Variants in VWC2 observed in about 807,000 individuals in gnomAD.
VWC2 encodes the protein von Willebrand factor C domain containing 2, also known as brorin.
In VWC2, 14 loss-of-function variants were observed where a neutral mutation model predicts 29.8. That is an observed-to-expected ratio of 0.47 (90% CI 0.31 to 0.74). The LOEUF (loss-of-function observed/expected upper bound fraction) is 0.74. Ranked by LOEUF, VWC2 falls within the 30% of genes least tolerant of loss-of-function variation. VWC2 has a pLI of 0.05. For missense variants in VWC2, 457 were observed against 459.8 expected, an observed-to-expected ratio of 0.99 and a Z score of 0.05; for synonymous variants, 213 against 199.0, an observed-to-expected ratio of 1.07 and a Z score of -0.59.
At chr7:49,894,605 G>A (rs1792290232) in intron 3 of VWC2, among the ~76,000 whole-genome samples, 1 of 152,204 alleles carries the variant, frequency 6.6e-6, no homozygotes, top group South Asian at 2.1e-4. Context: ...CTAGCTCTGT[G>A]CTGCATGCAG....
chr7:49,810,179 TCA>T (rs1482474454), intron 3 of VWC2, among the ~76,000 whole-genome samples: 4 of 151,682 alleles, frequency 2.6e-5, no homozygotes, highest in Middle Eastern at 3.4e-3. Context: ...GCATACACAT[TCA>T]CACACACAAC....
intron 3 of VWC2, among the ~76,000 whole-genome samples, chr7:49,856,628 A>G (rs1184581612): frequency 2.0e-5 from 3 of 152,212 alleles, no homozygotes; most frequent in Admixed American, 6.5e-5. Context: ...GAGTTTGGAC[A>G]TAAGTATACC....
chr7:49,860,023 G>A (rs937437141), intron 3 of VWC2, among the ~76,000 whole-genome samples: 5 of 151,596 alleles, frequency 3.3e-5, no homozygotes, highest in African/African-American at 1.2e-4. Context: ...TACTCTTTAA[G>A]GGCTTCTTTA....
intron 3 of VWC2, among the ~76,000 whole-genome samples, chr7:49,889,913 G>T (rs1478900499): frequency 6.6e-6 from 1 of 152,120 alleles, no homozygotes; most frequent in African/African-American, 2.4e-5. Context: ...AAAAGTTTGA[G>T]AGACAAATAT....
chr7:49,877,481 A>AAAAAAATACATATATAT lies in VWC2; in HGVS notation c.827-34552_827-34551insAAAAATACATATATATA. 1.6e-4 allele frequency among the ~76,000 whole-genome samples: 2 copies of AAAAAAATACATATATAT among 12,722 alleles called. 1 individual carries two copies. Among genetic ancestry groups the AAAAAAATACATATATAT allele is most frequent in the African/African-American group, 5.6e-4 (2 of 3,594 alleles). The allele number at this position is 12,722 out of a possible 152,430, so 8.3% of individuals were successfully genotyped here. On this transcript the variant is annotated intron_variant, in intron 3 of 3. Transcript: ENST00000340652. ...CTGTCTCAAAAAAAAAAAAAAAAAA[A>AAAAAAATACATATATAT]ATATATATATATATATATATATATA...
intron 2 of VWC2, among the ~76,000 whole-genome samples, chr7:49,789,275 G>A (rs1015127984): frequency 6.7e-6 from 1 of 150,092 alleles, no homozygotes; most frequent in Non-Finnish European, 1.5e-5. Context: ...GTGAGCGGGT[G>A]TGTGTGAGAG....
intron 2 of VWC2, among the ~76,000 whole-genome samples, chr7:49,798,687 T>C (rs542802813): frequency 6.6e-6 from 1 of 152,142 alleles, no homozygotes; most frequent in Non-Finnish European, 1.5e-5. Flanking sequence ...CAGATGTCCC[T>C]GGAGGACTCG....
chr7:49,782,699 A>C (rs917931936), intron 2 of VWC2, among the ~76,000 whole-genome samples: 1 of 151,538 alleles, frequency 6.6e-6, no homozygotes, highest in African/African-American at 2.4e-5. Context: ...TGAAAAAAAA[A>C]AAAAAGGCCA....
intron 3 of VWC2, among the ~76,000 whole-genome samples, chr7:49,834,713 C>A (rs1401497719): frequency 1.3e-5 from 2 of 152,148 alleles, no homozygotes; most frequent in Non-Finnish European, 2.9e-5. Context: ...AAGTAAGAAG[C>A]AAATCCCAGA....
chr7:49,845,175 C>A (rs895353532), intron 3 of VWC2, among the ~76,000 whole-genome samples: 1 of 152,008 alleles, frequency 6.6e-6, no homozygotes, highest in Non-Finnish European at 1.5e-5. Context: ...GCTAATGGAG[C>A]CTGGGTTTAA....
intron 3 of VWC2, among the ~76,000 whole-genome samples, chr7:49,911,771 CCT>C (rs1447085982): frequency 6.6e-6 from 1 of 151,738 alleles, no homozygotes; most frequent in Non-Finnish European, 1.5e-5. Context: ...GTGGCATGCC[CCT>C]GTAATCCTAG....
intron 2 of VWC2, among the ~76,000 whole-genome samples, chr7:49,788,509 G>A (rs1016885075): frequency 2.4e-4 from 37 of 151,714 alleles, no homozygotes; most frequent in Non-Finnish European, 2.5e-4. Context: ...GTGTATGAGT[G>A]TGTGTGAGTG....
chr7:49,778,810 T>C lies in VWC2; in HGVS notation c.696+2679T>C, dbSNP rs531606232. 5.3e-5 allele frequency among the ~76,000 whole-genome samples: 8 copies of C among 152,360 alleles called. No homozygotes were observed. In the South Asian group the frequency reaches 8.3e-4, roughly 16 times the overall value. ...TTCAGAGAGAGATTGTAGTCTGTAATGTGCATAGCACAAAGTACATGGAAA... is the reference window on the plus strand; with the variant it reads ...TTCAGAGAGAGATTGTAGTCTGTAACGTGCATAGCACAAAGTACATGGAAA... On this transcript the variant is annotated intron_variant, in intron 2 of 3. Coordinates refer to ENST00000340652, the MANE Select transcript of VWC2 (RefSeq NM_198570.5).
rs3062198 is a variant in VWC2 at position 49,862,726 on chromosome 7, GT to G, written c.827-49297del. Among the ~76,000 whole-genome samples the G allele has an allele frequency of 3.0e-4, 43 of 143,552 alleles. 1 individual carries two copies. Among genetic ancestry groups the G allele is most frequent in the African/African-American group, 4.8e-4 (19 of 39,218 alleles). The allele number at this position is 143,552 out of a possible 152,430, so 94.2% of individuals were successfully genotyped here. On this transcript the variant is annotated intron_variant, in intron 3 of 3. Transcript: ENST00000340652. ...TCTGCATCAATTGAGATGACCATGA[GT>G]TTTTTTTTTTCATTCTTCATTCTGT... is the stretch of plus-strand genomic sequence containing the variant.
chr7:49,856,999 G>A (rs1790447885), intron 3 of VWC2, among the ~76,000 whole-genome samples: 1 of 87,490 alleles, frequency 1.1e-5, no homozygotes, highest in Non-Finnish European at 2.0e-5. Flanking sequence ...GACAGAGCCA[G>A]ATACTGTCTC....
rs1246516488 is a variant in VWC2, at chr7:49,913,489, ATGTC to A, written c.*1306_*1309del. 6.6e-6 allele frequency: 1 copy of A among 152,242 alleles called. No homozygotes were observed. Among genetic ancestry groups the A allele is most frequent in the African/African-American group, 2.4e-5 (1 of 41,466 alleles). The allele number at this position is 152,242 out of a possible 1,614,324, so 9.4% of individuals were successfully genotyped here. The stretch of plus-strand genomic sequence containing the variant: ...AAAAGCAAAACTATAATCACTATTA[ATGTC>A]TTTAAAGGATTAAAATATATATAAT... On this transcript the variant is annotated 3_prime_UTR_variant, in exon 4 of 4. Transcript: ENST00000340652.
intron 3 of VWC2, among the ~76,000 whole-genome samples, chr7:49,804,434 G>T (rs1788824483): frequency 6.6e-6 from 1 of 152,158 alleles, no homozygotes; most frequent in Non-Finnish European, 1.5e-5. Flanking sequence ...CATGTCGGGG[G>T]TACTGGACGA....
At chr7:49,859,313 TG>T (rs1296737027) in intron 3 of VWC2, among the ~76,000 whole-genome samples, 8 of 152,242 alleles carry the variant, frequency 5.3e-5, no homozygotes, top group African/African-American at 1.7e-4. Context: ...TTATCTTTTA[TG>T]TTTTTTTATT....
intron 3 of VWC2, among the ~76,000 whole-genome samples, chr7:49,828,234 C>A (rs1334572434): frequency 6.6e-6 from 1 of 152,082 alleles, no homozygotes; most frequent in Non-Finnish European, 1.5e-5. Context: ...TTCCGTTGTA[C>A]AAATAAACCA....
Sources: gnomAD v4.1 joint callset for allele counts (sites outside exome capture counted in the v4.1 genomes callset) on GRCh38, gnomAD v4.1.1 for gene constraint, MANE v1.5 for transcripts, NCBI Gene and HGNC (gene_info 2026-07-23, HGNC 2026-07-21) for gene names.